Variants in AP1S3 observed in about 807,000 individuals in gnomAD.
AP1S3 encodes the protein AP-1 complex subunit sigma-3.
AP1S3 carries 10 observed loss-of-function variants against 20.9 expected under a neutral mutation model. That is an observed-to-expected ratio of 0.48 (90% CI 0.29 to 0.81). The LOEUF is 0.81. AP1S3 is among the 30% of genes least tolerant of loss of function. The probability of loss-of-function intolerance (pLI) is 0.08; values close to 1 mark genes in which losing one functional copy is unlikely to be tolerated. For synonymous variants in AP1S3, 41 were observed against 61.5 expected, an observed-to-expected ratio of 0.67 and a Z score of 1.56; for missense variants, 154 against 183.8, an observed-to-expected ratio of 0.84 and a Z score of 0.94.
At chr2:223,827,550 A>AT (rs981427180) in intron 1 of AP1S3, among the ~76,000 whole-genome samples, 127 of 150,698 alleles carry the variant, frequency 8.4e-4, no homozygotes, top group African/African-American at 2.5e-3. Context: ...ACCCAGCTAC[A>AT]TTTTTTTTTA....
rs1161128835 is a variant in AP1S3, at chr2:223,837,567, G to C, written c.-117C>G. ...AGGTGAGGCGCCCGGCTTAGACCAT[G>C]GCTGCTTCCCACAATGCCCTGGCAC... On this transcript the variant is annotated 5_prime_UTR_variant, in exon 1 of 5. Coordinates refer to ENST00000396654, the MANE Select transcript of AP1S3 (RefSeq NM_001039569.2). The C allele has an allele frequency of 1.7e-6, 1 of 603,928 alleles. No individual in the cohort carries two copies. The highest frequency in any genetic ancestry group is 4.4e-5 in the Admixed American group (1 of 22,696). The allele number at this position is 603,928 out of a possible 1,614,324, so 37.4% of individuals were successfully genotyped here. A position where few individuals can be genotyped will look rare whatever the true frequency, so the allele number is the denominator to read the frequency against.
chr2:223,829,397 C>T (rs773553015), intron 1 of AP1S3, among the ~76,000 whole-genome samples: 1 of 152,032 alleles, frequency 6.6e-6, no homozygotes, highest in South Asian at 2.1e-4. Context: ...GAGACCAAGG[C>T]GGGAGGATCA....
intron 1 of AP1S3, among the ~76,000 whole-genome samples, chr2:223,803,879 CAAAA>C (rs530429797): frequency 1.4e-5 from 1 of 72,128 alleles, no homozygotes. Context: ...GACTCCGTCT[CAAAA>C]AAAAAAAAAA....
chr2:223,756,902 CA>C lies in AP1S3; in HGVS notation c.*1812del, dbSNP rs1690235017. ...CAAACCACTCTAATATGAATGATAC[CA>C]GACCTCAAAGCTAACATTGAAAATG... On this transcript the variant is annotated 3_prime_UTR_variant, in exon 5 of 5. Transcript: ENST00000396654. 1 of 985,242 alleles carries C rather than the reference CA, an allele frequency of 1.0e-6. No individual in the cohort carries two copies. Among genetic ancestry groups the C allele is most frequent in the South Asian group, 4.7e-5 (1 of 21,288 alleles). The allele number at this position is 985,242 out of a possible 1,614,324, so 61.0% of individuals were successfully genotyped here.
chr2:223,778,171 G>C (rs78350233), intron 1 of AP1S3, among the ~76,000 whole-genome samples: 13,551 of 151,590 alleles, frequency 0.089, 966 homozygotes, highest in African/African-American at 0.18. Flanking sequence ...TGCTGCCCAG[G>C]CTGGAGTGCA....
chr2:223,810,777 C>T (rs1306626755), intron 1 of AP1S3, among the ~76,000 whole-genome samples: 8 of 152,066 alleles, frequency 5.3e-5, no homozygotes, highest in Non-Finnish European at 7.4e-5. Flanking sequence ...TCAACAAATA[C>T]GTTGTGATGA....
intron 1 of AP1S3, among the ~76,000 whole-genome samples, chr2:223,813,544 T>G (rs766465272): frequency 6.6e-5 from 10 of 152,202 alleles, no homozygotes; most frequent in Non-Finnish European, 1.3e-4. Flanking sequence ...CACACAGCTA[T>G]AAGTGGTAGA....
rs114022818 is a variant in AP1S3, at chr2:223,833,635, G to C, written c.3+3813C>G. On this transcript the variant is annotated intron_variant, in intron 1 of 4. Coordinates refer to ENST00000396654, the MANE Select transcript of AP1S3 (RefSeq NM_001039569.2). Reference sequence around the variant, plus strand: ...CTAGCATAAAAGTCAGCAAAAGTCAGGAATGAAGCAGCAGGAAAGACAGGG... The same window carrying C: ...CTAGCATAAAAGTCAGCAAAAGTCACGAATGAAGCAGCAGGAAAGACAGGG... Among the ~76,000 whole-genome samples, 613 of 152,316 alleles carry C rather than the reference G, an allele frequency of 4.0e-3. 5 individuals carry two copies. Among genetic ancestry groups the C allele is most frequent in the African/African-American group, 0.014 (573 of 41,574 alleles).
intron 2 of AP1S3, among the ~76,000 whole-genome samples, chr2:223,776,548 G>A (rs984965980): frequency 1.3e-5 from 2 of 152,128 alleles, no homozygotes; most frequent in South Asian, 2.1e-4. Context: ...TTTTCCCAAC[G>A]AGCTTTATAA....
chr2:223,821,709 T>A (rs892249782), intron 1 of AP1S3, among the ~76,000 whole-genome samples: 2 of 152,058 alleles, frequency 1.3e-5, no homozygotes, highest in South Asian at 4.1e-4. Context: ...AAAACCCCCA[T>A]CTTCCAGCCA....
intron 1 of AP1S3, among the ~76,000 whole-genome samples, chr2:223,823,952 C>T (rs755264943): frequency 2.2e-4 from 33 of 152,182 alleles, no homozygotes; most frequent in South Asian, 8.3e-4. Context: ...AGGAAGAAAG[C>T]CTGGGGGCAG....
chr2:223,774,040 C>G (rs996039073), intron 3 of AP1S3, among the ~76,000 whole-genome samples: 3 of 152,142 alleles, frequency 2.0e-5, no homozygotes, highest in African/African-American at 7.2e-5. Context: ...AAGGTCATTT[C>G]TTGTTGCTGG....
chr2:223,793,781 C>G (rs1190444353), intron 1 of AP1S3, among the ~76,000 whole-genome samples: 1 of 151,996 alleles, frequency 6.6e-6, no homozygotes, highest in African/African-American at 2.4e-5. Flanking sequence ...CAACATCTCC[C>G]CTTTTCCCAC....
chr2:223,794,687 C>T (rs1461328296), intron 1 of AP1S3, among the ~76,000 whole-genome samples: 1 of 152,064 alleles, frequency 6.6e-6, no homozygotes, highest in African/African-American at 2.4e-5. Flanking sequence ...CTCCAGGGCT[C>T]CATGGTTTAC....
chr2:223,780,345 AGAGAGAGAGAGAGT>A lies in AP1S3; in HGVS notation c.4-2490_4-2477del, dbSNP rs1247794673. On this transcript the variant is annotated intron_variant, in intron 1 of 4. Transcript: ENST00000396654. Reference sequence around the variant, plus strand: ...GAGAGAGAGAGAGAGAGAGAGAGAGAGAGAGAGAGAGAGTGTGTGTGTGTGTGTGTGTGTGTGTG... The same window carrying A: ...GAGAGAGAGAGAGAGAGAGAGAGAGAGTGTGTGTGTGTGTGTGTGTGTGTG... Among the ~76,000 whole-genome samples, 196 of 105,752 alleles carry A rather than the reference AGAGAGAGAGAGAGT, an allele frequency of 1.9e-3. 2 individuals carry two copies. Among genetic ancestry groups the A allele is most frequent in the East Asian group, 0.013 (42 of 3,146 alleles). 69.4% of individuals were successfully genotyped at this position (105,752 alleles called of 152,430 possible). A position where few individuals can be genotyped will look rare whatever the true frequency, so the allele number is the denominator to read the frequency against.
chr2:223,806,385 A>G (rs972071805), intron 1 of AP1S3, among the ~76,000 whole-genome samples: 11 of 146,080 alleles, frequency 7.5e-5, no homozygotes, highest in African/African-American at 2.8e-4. Flanking sequence ...CCGGGTTCAC[A>G]CCATTCTCCT....
At chr2:223,821,448 C>A (rs1411221014) in intron 1 of AP1S3, among the ~76,000 whole-genome samples, 1 of 152,218 alleles carries the variant, frequency 6.6e-6, no homozygotes, top group Non-Finnish European at 1.5e-5. Flanking sequence ...AGCCACCACA[C>A]CCAGCCAGTT....
At chr2:223,832,738 G>A (rs894086199) in intron 1 of AP1S3, among the ~76,000 whole-genome samples, 7 of 151,844 alleles carry the variant, frequency 4.6e-5, no homozygotes, top group Non-Finnish European at 8.8e-5. Flanking sequence ...TTCATAGTTC[G>A]GTTTTTCCAC....
chr2:223,810,381 C>T (rs1291909493), intron 1 of AP1S3, among the ~76,000 whole-genome samples: 1 of 152,034 alleles, frequency 6.6e-6, no homozygotes, highest in African/African-American at 2.4e-5. Context: ...GGCACAATCA[C>T]CACTCACTAT....
Sources: allele counts gnomAD v4.1 joint callset (sites outside exome capture counted in the v4.1 genomes callset), GRCh38; gene constraint gnomAD v4.1.1; transcripts MANE v1.5; gene names NCBI Gene and HGNC (gene_info 2026-07-23, HGNC 2026-07-21).